Variants in IQSEC1 observed in about 807,000 individuals in gnomAD.
IQSEC1 encodes the protein IQ motif and SEC7 domain-containing protein 1.
In IQSEC1, 31 loss-of-function variants were observed where a neutral mutation model predicts 91.0. The observed-to-expected ratio is 0.34, with a 90% CI of 0.26 to 0.46. IQSEC1 has a LOEUF of 0.46. Ranked by LOEUF, IQSEC1 falls within the 20% of genes least tolerant of loss-of-function variation. IQSEC1 has a pLI of 1.00. For missense variants in IQSEC1, 1,388 were observed against 1,575.6 expected (o/e 0.88, Z 2.02); for synonymous variants, 699 against 662.6 (o/e 1.05, Z -0.84).
At chr3:13,236,228 G>A (rs1246391965) in intron 1 of IQSEC1, among the ~76,000 whole-genome samples, 2 of 152,104 alleles carry the variant, frequency 1.3e-5, no homozygotes, top group Non-Finnish European at 2.9e-5. Flanking sequence ...GCACTCAGGT[G>A]GGCGTGTGCC....
Position 13,073,136 on chromosome 3 carries a change from G to T in IQSEC1, c.-122C>A. 8.5e-7 allele frequency: 1 copy of T among 1,172,720 alleles called. No individual in the cohort carries two copies. Among genetic ancestry groups the T allele is most frequent in the South Asian group, 1.3e-5 (1 of 76,160 alleles). 72.6% of individuals were successfully genotyped at this position (1,172,720 alleles called of 1,614,324 possible). A position where few individuals can be genotyped will look rare whatever the true frequency, so the allele number is the denominator to read the frequency against. ...GGGGAATAAAATTAAATCGCGGGGC[G>T]AGTCACATTCCCGGGGGTGGCGGGC... On this transcript the variant is annotated 5_prime_UTR_variant, in exon 1 of 14. Coordinates refer to ENST00000613206, the MANE Select transcript of IQSEC1 (RefSeq NM_001134382.3).
At chr3:12,969,477 C>T (rs1446412795) in intron 1 of IQSEC1, among the ~76,000 whole-genome samples, 1 of 152,134 alleles carries the variant, frequency 6.6e-6, no homozygotes, top group Non-Finnish European at 1.5e-5. Context: ...CTGCACTGCT[C>T]AAAGACCACA....
chr3:13,182,270 C>T (rs932293992), intron 1 of IQSEC1, among the ~76,000 whole-genome samples: 9 of 152,174 alleles, frequency 5.9e-5, no homozygotes, highest in African/African-American at 2.2e-4. Flanking sequence ...CAGTCTGATG[C>T]TCCCATCTGT....
chr3:13,152,645 C>T (rs971235677), intron 2 of IQSEC1, among the ~76,000 whole-genome samples: 2 of 152,112 alleles, frequency 1.3e-5, no homozygotes, highest in African/African-American at 4.8e-5. Context: ...CTGAGACGGG[C>T]GGATCACCTG....
chr3:13,049,892 C>T (rs1401241436), intron 1 of IQSEC1, among the ~76,000 whole-genome samples: 1 of 152,204 alleles, frequency 6.6e-6, no homozygotes, highest in Non-Finnish European at 1.5e-5. Flanking sequence ...AATACTCTCT[C>T]TCCAACCAGA....
chr3:12,917,568 C>T (rs979763620), intron 6 of IQSEC1, among the ~76,000 whole-genome samples: 4 of 152,212 alleles, frequency 2.6e-5, no homozygotes, highest in Admixed American at 1.3e-4. Context: ...TCTTCATGGT[C>T]GATAGCTCAC....
intron 1 of IQSEC1, among the ~76,000 whole-genome samples, chr3:13,230,913 T>TTG (rs1344215217): frequency 5.3e-5 from 8 of 152,244 alleles, no homozygotes; most frequent in Admixed American, 6.5e-5. Context: ...CTGATGTGGA[T>TTG]TGTGTGCCAC....
chr3:13,025,399 T>C (rs1463848945), intron 1 of IQSEC1, among the ~76,000 whole-genome samples: 1 of 152,246 alleles, frequency 6.6e-6, no homozygotes, highest in East Asian at 1.9e-4. Context: ...CATTGTGAAC[T>C]TGGCCTTTGA....
At chr3:12,947,312 C>T (rs757398063) in intron 1 of IQSEC1, among the ~76,000 whole-genome samples, 11 of 152,170 alleles carry the variant, frequency 7.2e-5, no homozygotes, top group Non-Finnish European at 1.3e-4. Flanking sequence ...TGCGGCAGGT[C>T]AGACACCCGT....
At position 12,920,520 on chromosome 3, in the gene IQSEC1, C is replaced by T; in HGVS notation, c.1930G>A (p.Ala644Thr). The T allele has an allele frequency of 1.2e-6, 2 of 1,614,192 alleles. No homozygotes were observed. The highest frequency in any genetic ancestry group is 1.7e-6 in the Non-Finnish European group (2 of 1,180,028). The change falls in exon 6 of 14, where the codon GCC (alanine) becomes ACC (threonine). Residue 644 changes from alanine (A) to threonine (T), a missense_variant. Around this residue, in one of 2 missense-constraint regions of IQSEC1, gnomAD observed 1,059 missense variants for 1,317.8 expected, o/e 0.80. Transcript: ENST00000613206. ...NPDTIFILAF[A>T]IILLNTDMYS... ...ATGTCGGTGTTCAGCAGGATGATGG[C>T]GAAGGCCAGGATGAAAATGGTGTCT...
chr3:13,161,188 T>C (rs1035540652), intron 2 of IQSEC1, among the ~76,000 whole-genome samples: 4 of 151,208 alleles, frequency 2.6e-5, no homozygotes, highest in African/African-American at 9.7e-5. Context: ...TGGTGGGAGC[T>C]GGAGGTGCGC....
chr3:12,897,194 G>T lies in IQSEC1; in HGVS notation c.*3789C>A, dbSNP rs991969188. 6.6e-6 allele frequency: 1 copy of T among 152,192 alleles called. No individual in the cohort carries two copies. Among genetic ancestry groups the T allele is most frequent in the Non-Finnish European group, 1.5e-5 (1 of 68,026 alleles). The allele number at this position is 152,192 out of a possible 1,614,324, so 9.4% of individuals were successfully genotyped here. On this transcript the variant is annotated 3_prime_UTR_variant, in exon 14 of 14. Coordinates refer to ENST00000613206, the MANE Select transcript of IQSEC1 (RefSeq NM_001134382.3). The stretch of plus-strand genomic sequence containing the variant: ...GGTCTGGCCAACAGGGCAACTTCTG[G>T]ACTTTTCAGAAAAAGTGAGAATCCG...
chr3:13,274,447 G>A (rs931161194), intron 1 of IQSEC1, among the ~76,000 whole-genome samples: 20 of 152,254 alleles, frequency 1.3e-4, no homozygotes, highest in African/African-American at 4.3e-4. Context: ...TCCCACGGAG[G>A]GGGCGGGCTC....
At chr3:13,122,812 C>T (rs1706446768) in intron 2 of IQSEC1, among the ~76,000 whole-genome samples, 1 of 152,222 alleles carries the variant, frequency 6.6e-6, no homozygotes. Flanking sequence ...ATCTCCCCAT[C>T]ACACACCCAG....
chr3:12,904,811 G>T (rs1292715587), intron 12 of IQSEC1, among the ~76,000 whole-genome samples: 2 of 152,208 alleles, frequency 1.3e-5, no homozygotes, highest in African/African-American at 4.8e-5. Flanking sequence ...CTGGCCTATA[G>T]CTTCTGACAG....
At chr3:13,158,636 C>T (rs932941102) in intron 2 of IQSEC1, among the ~76,000 whole-genome samples, 1 of 152,140 alleles carries the variant, frequency 6.6e-6, no homozygotes, top group Non-Finnish European at 1.5e-5. Flanking sequence ...CGTTCAGAGT[C>T]CTGACGGGGA....
intron 2 of IQSEC1, among the ~76,000 whole-genome samples, chr3:13,151,583 A>G: frequency 6.6e-6 from 1 of 152,230 alleles, no homozygotes; most frequent in South Asian, 2.1e-4. Context: ...GGGTCGAAAC[A>G]GGGGCAGGCT....
chr3:13,000,055 C>T (rs1242280468), intron 1 of IQSEC1, among the ~76,000 whole-genome samples: 1 of 152,176 alleles, frequency 6.6e-6, no homozygotes, highest in Non-Finnish European at 1.5e-5. Context: ...GCACACTGTA[C>T]TATTTCATAT....
intron 2 of IQSEC1, among the ~76,000 whole-genome samples, chr3:13,119,187 A>G (rs948924101): frequency 6.6e-6 from 1 of 152,302 alleles, no homozygotes; most frequent in East Asian, 1.9e-4. Context: ...AAAGTGCTGG[A>G]ATAATATTTA....
Sources: allele counts gnomAD v4.1 joint callset (sites outside exome capture counted in the v4.1 genomes callset), GRCh38; gene constraint gnomAD v4.1.1; regional missense constraint gnomAD v4.1.1; transcripts MANE v1.5; gene names NCBI Gene and HGNC (gene_info 2026-07-23, HGNC 2026-07-21).